Variants in VPS13A observed in about 807,000 individuals in gnomAD.
The protein encoded by VPS13A is vacuolar protein sorting 13 homolog A.
Under a neutral mutation model 390.9 loss-of-function variants are expected in VPS13A, and 264 were observed. The ratio of observed to expected loss-of-function variants is 0.68; its 90% CI spans 0.61 to 0.75. The LOEUF (loss-of-function observed/expected upper bound fraction) is 0.75, where lower values mean the gene tolerates loss of function less well. Ranked by LOEUF, VPS13A falls within the 30% of genes least tolerant of loss-of-function variation. The pLI, the probability that VPS13A is intolerant of heterozygous loss-of-function variation, is 0.00. For missense variants in VPS13A, 3,409 were observed against 3,733.9 expected, an observed-to-expected ratio of 0.91 and a Z score of 2.27; for synonymous variants, 1,231 against 1,227.1, an observed-to-expected ratio of 1.00 and a Z score of -0.07.
At position 77,282,189 on chromosome 9, in the gene VPS13A, T is replaced by C. The variant is rs142588824; in HGVS notation, c.3033T>C (p.His1011=). 9.9e-6 allele frequency: 16 copies of C among 1,613,354 alleles called. No homozygotes were observed. Among genetic ancestry groups the C allele is most frequent in the Non-Finnish European group, 1.2e-5 (14 of 1,179,584 alleles). ...TTCTGAATACAATAAATTATCTTCA[T>C]AATATCCTTCCGCAATCAGAGGAAA... ...EALLNTINYL[H]NILPQSEEKS... The change falls in exon 29 of 72, where the codon CAT becomes CAC. Residue 1011 remains histidine (H), a synonymous_variant. Transcript: ENST00000360280.
chr9:77,283,987 A>G (rs950343466), intron 31 of VPS13A, among the ~76,000 whole-genome samples: 6 of 144,236 alleles, frequency 4.2e-5, no homozygotes, highest in African/African-American at 1.0e-4. Context: ...TTTTTGGTTC[A>G]TGTACTCTGA....
At chr9:77,356,568 A>G (rs1170860412) in intron 54 of VPS13A, 146 bp from the exon 55 acceptor site, 4 of 892,988 alleles carry the variant, frequency 4.5e-6, no homozygotes, top group Non-Finnish European at 6.9e-6. Flanking sequence ...GAATGAATTC[A>G]TGTTTTTAAA....
intron 1 of VPS13A, among the ~76,000 whole-genome samples, chr9:77,198,855 A>T (rs951712786): frequency 2.0e-5 from 3 of 151,934 alleles, no homozygotes; most frequent in African/African-American, 7.3e-5. Flanking sequence ...TAGAGATGGG[A>T]TTTCACCATT....
At chr9:77,310,652 G>A (rs1238508249) in intron 35 of VPS13A, among the ~76,000 whole-genome samples, 1 of 152,000 alleles carries the variant, frequency 6.6e-6, no homozygotes, top group African/African-American at 2.4e-5. Context: ...AACAACACAT[G>A]GAATACTTCT....
chr9:77,293,819 C>T (rs985119535), intron 32 of VPS13A, among the ~76,000 whole-genome samples: 5 of 151,862 alleles, frequency 3.3e-5, no homozygotes, highest in Non-Finnish European at 5.9e-5. Flanking sequence ...CTTAAGTCTT[C>T]GTTTTACCTG....
chr9:77,235,365 A>T (rs1824085440), intron 17 of VPS13A, among the ~76,000 whole-genome samples: 1 of 152,134 alleles, frequency 6.6e-6, no homozygotes, highest in Admixed American at 6.5e-5. Context: ...TAAGTACATG[A>T]TCTTGCTGCC....
intron 58 of VPS13A, among the ~76,000 whole-genome samples, chr9:77,360,229 AT>A (rs1832066769): frequency 6.6e-6 from 1 of 152,098 alleles, no homozygotes; most frequent in Non-Finnish European, 1.5e-5. Flanking sequence ...TTCATTCAAC[AT>A]TTTTATTAAA....
chr9:77,394,728 T>G (rs113346504), intron 68 of VPS13A, among the ~76,000 whole-genome samples: 9,748 of 152,298 alleles, frequency 0.064, 405 homozygotes, highest in South Asian at 0.12. Flanking sequence ...TCAGTGATCT[T>G]AGCTAGATCT....
intron 31 of VPS13A, among the ~76,000 whole-genome samples, chr9:77,291,873 A>C (rs561409497): frequency 1.3e-5 from 2 of 152,266 alleles, no homozygotes; most frequent in East Asian, 3.9e-4. Flanking sequence ...TCTGATTGAT[A>C]TCTCTCGTAT....
chr9:77,223,950 A>G (rs1380719387), intron 13 of VPS13A, among the ~76,000 whole-genome samples: 3 of 152,140 alleles, frequency 2.0e-5, no homozygotes, highest in East Asian at 3.9e-4. Context: ...CTAGATGCTG[A>G]CGTAGCTAGT....
rs1468857081 is a variant in VPS13A at position 77,177,822 on chromosome 9, G to T, written c.100+18G>T. The T allele has an allele frequency of 6.3e-7, 1 of 1,597,664 alleles. No individual in the cohort carries two copies. Among genetic ancestry groups the T allele is most frequent in the Admixed American group, 1.7e-5 (1 of 58,828 alleles). On this transcript the variant is annotated intron_variant, in intron 1 of 71. Transcript: ENST00000360280. ...CTGGAAAGGTAAGGAGGCCGCCGCCGCCGCTCCCCGGCCTCTCGTGCTTCC... is the reference window on the plus strand; with the variant it reads ...CTGGAAAGGTAAGGAGGCCGCCGCCTCCGCTCCCCGGCCTCTCGTGCTTCC...
intron 7 of VPS13A, among the ~76,000 whole-genome samples, chr9:77,212,675 T>G (rs1826035654): frequency 6.6e-6 from 1 of 152,176 alleles, no homozygotes; most frequent in Non-Finnish European, 1.5e-5. Context: ...CATTCTTTTA[T>G]AAGTTAAATG....
rs942344315 is a variant in VPS13A, at chr9:77,177,549, T to G, written c.-156T>G. On this transcript the variant is annotated 5_prime_UTR_variant, in exon 1 of 72. Coordinates refer to ENST00000360280, the MANE Select transcript of VPS13A (RefSeq NM_033305.3). ...GAGAGCGACCGCCTCCGTCTCTCGC[T>G]GGGCTCGCTAGGGCTGCGCGTTGGG... 1 of 681,372 alleles carries G rather than the reference T, an allele frequency of 1.5e-6. No individual in the cohort carries two copies. Among genetic ancestry groups the G allele is most frequent in the Non-Finnish European group, 2.6e-6 (1 of 387,288 alleles). 42.2% of individuals were successfully genotyped at this position (681,372 alleles called of 1,614,324 possible).
chr9:77,400,113 C>G (rs1490880963), intron 68 of VPS13A, among the ~76,000 whole-genome samples: 2 of 151,644 alleles, frequency 1.3e-5, no homozygotes, highest in African/African-American at 4.8e-5. Context: ...CATACTTTTG[C>G]CTAAGATAAA....
chr9:77,250,544 T>C (rs1825096809), intron 21 of VPS13A, among the ~76,000 whole-genome samples: 1 of 152,188 alleles, frequency 6.6e-6, no homozygotes, highest in Non-Finnish European at 1.5e-5. Flanking sequence ...TAAATATCAG[T>C]AGTGCTGAGG....
intron 23 of VPS13A, among the ~76,000 whole-genome samples, chr9:77,263,107 C>CT (rs34380259): frequency 0.21 from 29,784 of 139,318 alleles, 3,632 homozygotes; most frequent in East Asian, 0.39. Flanking sequence ...TGTTTCCCAA[C>CT]TTTTTTTTTT....
rs1301313314 is a variant in VPS13A, at chr9:77,225,995, C to T, written c.1224+7C>T. 3.1e-6 allele frequency: 5 copies of T among 1,609,560 alleles called. No individual in the cohort carries two copies. The highest frequency in any genetic ancestry group is 4.2e-6 in the Non-Finnish European group (5 of 1,177,206). On this transcript the variant is annotated splice_region_variant and intron_variant, in intron 14 of 71. Coordinates refer to ENST00000360280, the MANE Select transcript of VPS13A (RefSeq NM_033305.3). ...ACAGACGGCAGAAGTTGAGGTAATT[C>T]TTGGCTTTTCAATTAGTAAAAATAA... is the stretch of plus-strand genomic sequence containing the variant.
chr9:77,382,166 T>C (rs1050527404), intron 68 of VPS13A, 79 bp downstream of exon 68: 1 of 1,340,842 alleles, frequency 7.5e-7, no homozygotes, highest in African/African-American at 1.5e-5. Context: ...TAATATATAT[T>C]AAATTATTTG....
intron 67 of VPS13A, among the ~76,000 whole-genome samples, chr9:77,373,286 A>G (rs1438857291): frequency 6.7e-6 from 1 of 148,904 alleles, no homozygotes; most frequent in African/African-American, 2.5e-5. Context: ...ACCAAAACAG[A>G]GATATACATC....
Sources: gnomAD v4.1 joint callset for allele counts (sites outside exome capture counted in the v4.1 genomes callset) on GRCh38, gnomAD v4.1.1 for gene constraint, MANE v1.5 for transcripts, NCBI Gene and HGNC (gene_info 2026-07-23, HGNC 2026-07-21) for gene names.